The following SHISA9 variants were observed in gnomAD, a reference collection of about 807,000 sequenced individuals.
SHISA9 encodes the protein shisa family member 9.
In SHISA9, 13 loss-of-function variants were observed where a neutral mutation model predicts 38.0. The ratio of observed to expected loss-of-function variants is 0.34; its 90% CI spans 0.22 to 0.54. The LOEUF (loss-of-function observed/expected upper bound fraction) is 0.54. SHISA9 is among the 20% of genes least tolerant of loss of function. The pLI is 0.91. For missense variants in SHISA9, 538 were observed against 575.8 expected, an observed-to-expected ratio of 0.93 and a Z score of 0.67; for synonymous variants, 275 against 242.0, an observed-to-expected ratio of 1.14 and a Z score of -1.27.
the SHISA9 span, among the ~76,000 whole-genome samples, chr16:13,382,530 CAAAAAAA>C: frequency 1.0e-4 from 5 of 49,000 alleles, no homozygotes; most frequent in East Asian, 5.8e-4. Context: ...AACTCCATCT[CAAAAAAA>C]AAAAAAAAAA....
chr16:13,292,541 G>A, the SHISA9 span, among the ~76,000 whole-genome samples: 1 of 152,046 alleles, frequency 6.6e-6, no homozygotes, highest in African/African-American at 2.4e-5. Context: ...TATCCAGTGT[G>A]TACTGATTTC....
At chr16:12,987,904 C>T (rs546147736) in intron 2 of SHISA9, among the ~76,000 whole-genome samples, 1 of 152,308 alleles carries the variant, frequency 6.6e-6, no homozygotes, top group East Asian at 1.9e-4. Context: ...AAGTAACTTG[C>T]TCAGGGTTAC....
chr16:13,224,691 A>G (rs972569931), intron 4 of SHISA9, among the ~76,000 whole-genome samples: 6 of 152,234 alleles, frequency 3.9e-5, no homozygotes, highest in Non-Finnish European at 5.9e-5. Context: ...ACCAAAAAAG[A>G]TAACTTTATA....
chr16:13,111,257 A>T (rs190647796), intron 2 of SHISA9, among the ~76,000 whole-genome samples: 248 of 152,214 alleles, frequency 1.6e-3, no homozygotes, highest in South Asian at 6.4e-3. Context: ...GTGAACAGGC[A>T]ACTTACAGAA....
chr16:13,231,124 G>A (rs1050728396), intron 4 of SHISA9, among the ~76,000 whole-genome samples: 2 of 152,194 alleles, frequency 1.3e-5, no homozygotes, highest in African/African-American at 4.8e-5. Context: ...AGATGGGGTT[G>A]CTCTGGTTCA....
At chr16:13,524,014 TAG>T in the SHISA9 span, among the ~76,000 whole-genome samples, 178 of 152,256 alleles carry the variant, frequency 1.2e-3, no homozygotes, top group Middle Eastern at 3.4e-3. Context: ...AGAATTTACC[TAG>T]AGTCACACAG....
chr16:13,394,443 T>G, the SHISA9 span, among the ~76,000 whole-genome samples: 3 of 152,308 alleles, frequency 2.0e-5, no homozygotes, highest in South Asian at 6.2e-4. Flanking sequence ...ATTTGCTCAG[T>G]CTTATCTCCT....
In SHISA9 at chr16:13,240,047, C is replaced by T. The variant is rs898454215; in HGVS notation, c.*4638C>T. On this transcript the variant is annotated 3_prime_UTR_variant, in exon 5 of 5. Coordinates refer to ENST00000558583, the MANE Select transcript of SHISA9 (RefSeq NM_001145204.3). ...TAATTCCATGCCCTGACATCAGCCC[C>T]TATTTTTTGCCTTTAGCTGTCCCCC... 1 of 152,360 alleles carries T rather than the reference C, an allele frequency of 6.6e-6. No homozygotes were observed. Among genetic ancestry groups the T allele is most frequent in the African/African-American group, 2.4e-5 (1 of 41,452 alleles). 9.4% of individuals were successfully genotyped at this position (152,360 alleles called of 1,614,324 possible). A position where few individuals can be genotyped will look rare whatever the true frequency, so the allele number is the denominator to read the frequency against.
chr16:13,158,929 A>G (rs58190835), intron 2 of SHISA9, among the ~76,000 whole-genome samples: 12,887 of 150,752 alleles, frequency 0.085, 573 homozygotes, highest in Middle Eastern at 0.14. Context: ...GCATGGTGGC[A>G]TGCGCCTGTA....
chr16:13,016,858 G>A (rs1435308654), intron 2 of SHISA9, among the ~76,000 whole-genome samples: 1 of 152,080 alleles, frequency 6.6e-6, no homozygotes, highest in African/African-American at 2.4e-5. Flanking sequence ...AAAAAATATA[G>A]TCCCCAAGGA....
At chr16:13,147,472 T>A in intron 2 of SHISA9, among the ~76,000 whole-genome samples, 1 of 146,946 alleles carries the variant, frequency 6.8e-6, no homozygotes, top group East Asian at 2.0e-4. Flanking sequence ...TTTTTTTTTT[T>A]TTTTTTTTTT....
At chr16:13,018,818 C>G (rs1244591206) in intron 2 of SHISA9, among the ~76,000 whole-genome samples, 1 of 152,142 alleles carries the variant, frequency 6.6e-6, no homozygotes, top group Admixed American at 6.5e-5. Flanking sequence ...TGATTCAGTT[C>G]AGGGGGTAAT....
chr16:13,346,413 G>A, the SHISA9 span, among the ~76,000 whole-genome samples: 15 of 152,142 alleles, frequency 9.9e-5, no homozygotes, highest in African/African-American at 2.2e-4. Context: ...AGACTTGGTC[G>A]TCTCTCAATC....
the SHISA9 span, among the ~76,000 whole-genome samples, chr16:13,344,219 C>A: frequency 6.6e-6 from 1 of 152,204 alleles, no homozygotes; most frequent in Non-Finnish European, 1.5e-5. Flanking sequence ...GCTTTTCTTA[C>A]TCACTGACTT....
the SHISA9 span, among the ~76,000 whole-genome samples, chr16:13,344,153 T>G: frequency 6.6e-6 from 1 of 152,196 alleles, no homozygotes; most frequent in Admixed American, 6.5e-5. Flanking sequence ...ATTATTTTAC[T>G]TATAATGAAA....
the SHISA9 span, among the ~76,000 whole-genome samples, chr16:13,432,716 A>G: frequency 6.6e-6 from 1 of 152,194 alleles, no homozygotes; most frequent in South Asian, 2.1e-4. Context: ...CAAGATGTTA[A>G]CAGAGTAGTA....
chr16:13,078,626 C>T (rs187237907), intron 2 of SHISA9, among the ~76,000 whole-genome samples: 1 of 152,224 alleles, frequency 6.6e-6, no homozygotes, highest in African/African-American at 2.4e-5. Flanking sequence ...AGCTGGTCTC[C>T]AACTCCTGGC....
At chr16:13,450,845 T>G in the SHISA9 span, among the ~76,000 whole-genome samples, 1 of 152,132 alleles carries the variant, frequency 6.6e-6, no homozygotes, top group Non-Finnish European at 1.5e-5. Context: ...GGCTTGAAAA[T>G]TTCTTGAGGA....
chr16:13,458,192 C>A, the SHISA9 span: 33 of 192,440 alleles, frequency 1.7e-4, no homozygotes, highest in Non-Finnish European at 3.3e-4. Flanking sequence ...TCAAACCAAG[C>A]AGTATCTGGA....
Sources: allele counts gnomAD v4.1 joint callset (sites outside exome capture counted in the v4.1 genomes callset), GRCh38; gene constraint gnomAD v4.1.1; transcripts MANE v1.5; gene names NCBI Gene and HGNC (gene_info 2026-07-23, HGNC 2026-07-21).